SNX14: variants seen among roughly 807,000 people sequenced by gnomAD.
The protein encoded by SNX14 is sorting nexin 14.
In SNX14, 93 loss-of-function variants were observed where a neutral mutation model predicts 133.8. The observed-to-expected ratio is 0.70, with a 90% CI of 0.59 to 0.83. The LOEUF is 0.83. Ranked by LOEUF, SNX14 falls within the 40% of genes least tolerant of loss-of-function variation. The pLI is 0.00. For synonymous variants in SNX14, 368 were observed against 365.6 expected, an observed-to-expected ratio of 1.01 and a Z score of -0.07; for missense variants, 945 against 1,094.9, an observed-to-expected ratio of 0.86 and a Z score of 1.93.
rs1796648545 is a variant in SNX14 at position 85,574,361 on chromosome 6, A to G, written c.158T>C (p.Met53Thr). ...TCCAGCAACAAATGACCAGAAGATC[A>G]TTAAAATATGAATATACCTTAAAAA... ...LLLNRYIHILMIFWSFVAGVV... is the reference protein window; with the variant it reads ...LLLNRYIHILTIFWSFVAGVV... Residue 53 changes from methionine (M) to threonine (T), a missense_variant, in exon 2 of 29, where the codon ATG becomes ACG. By Grantham distance (81) the Met-to-Thr change is moderately conservative (BLOSUM62 -1). This residue lies in a region of SNX14 where 514 missense variants were observed against 538.8 expected (regional missense o/e 0.95). Coordinates refer to ENST00000314673, the MANE Select transcript of SNX14 (RefSeq NM_153816.6). 1 of 1,560,390 alleles carries G rather than the reference A, an allele frequency of 6.4e-7. No homozygotes were observed. Among genetic ancestry groups the G allele is most frequent in the South Asian group, 1.2e-5 (1 of 85,794 alleles).
intron 27 of SNX14, 57 bp from the exon 28 acceptor site, chr6:85,507,346 A>G: frequency 7.2e-7 from 1 of 1,389,168 alleles, no homozygotes; most frequent in Non-Finnish European, 1.0e-6. Flanking sequence ...CAAAAACCAT[A>G]AAAATGATAC....
At position 85,513,891 on chromosome 6, in the gene SNX14, A is replaced by T; in HGVS notation, c.2562T>A (p.Ala854=). 1 of 1,608,256 alleles carries T rather than the reference A, an allele frequency of 6.2e-7. No individual in the cohort carries two copies. Among genetic ancestry groups the T allele is most frequent in the Non-Finnish European group, 8.5e-7 (1 of 1,178,048 alleles). Residue 854 remains alanine, a synonymous_variant, in exon 26 of 29, where the codon GCT becomes GCA. Coordinates refer to ENST00000314673, the MANE Select transcript of SNX14 (RefSeq NM_153816.6). ...LVSLITLLRD[A]IFCENTEPRS... ...GAGGTTCAGTGTTTTCACAGAATAT[A>T]GCATCTAAAAAAGAGTAAAAAGAAA...
At chr6:85,575,734 G>A (rs1427168720) in intron 1 of SNX14, among the ~76,000 whole-genome samples, 1 of 152,198 alleles carries the variant, frequency 6.6e-6, no homozygotes, top group African/African-American at 2.4e-5. Flanking sequence ...ACAACAATGA[G>A]AAGAGTGGTT....
chr6:85,541,233 T>A (rs1007925613), intron 15 of SNX14, among the ~76,000 whole-genome samples: 1 of 152,132 alleles, frequency 6.6e-6, no homozygotes, highest in Non-Finnish European at 1.5e-5. Flanking sequence ...CCTCAAGTGA[T>A]CCCCACGTCT....
chr6:85,507,950 A>G lies in SNX14; in HGVS notation c.2745+18T>C, dbSNP rs372442341. 38 of 1,606,740 alleles carry G rather than the reference A, an allele frequency of 2.4e-5. No individual in the cohort carries two copies. Among genetic ancestry groups the G allele is most frequent in the Admixed American group, 1.2e-4 (7 of 59,620 alleles). On this transcript the variant is annotated intron_variant, in intron 27 of 28. Coordinates refer to ENST00000314673, the MANE Select transcript of SNX14 (RefSeq NM_153816.6). ...CAAACCTAGCCAGCATGAGTTTACG[A>G]GCTTTAATGAGCTTTACCTGCTTGT...
intron 23 of SNX14, 158 bp downstream of exon 23, chr6:85,517,598 A>C (rs539923128): frequency 1.1e-5 from 8 of 740,310 alleles, no homozygotes; most frequent in Admixed American, 3.5e-5. Flanking sequence ...GTAATTACAC[A>C]CAATACCCTC....
intron 6 of SNX14, among the ~76,000 whole-genome samples, chr6:85,564,342 G>A (rs917773790): frequency 1.5e-4 from 23 of 152,274 alleles, no homozygotes; most frequent in East Asian, 1.9e-4. Flanking sequence ...TTGAGGAATC[G>A]CCACACTGTC....
At chr6:85,556,933 C>T (rs17440948) in intron 7 of SNX14, among the ~76,000 whole-genome samples, 25,562 of 151,970 alleles carry the variant, frequency 0.17, 2,536 homozygotes, top group Non-Finnish European at 0.22. Context: ...CATAATTTCC[C>T]AAAATGCTTT....
chr6:85,533,487 TGGATATG>T lies in SNX14; in HGVS notation c.1810+105_1810+111del, dbSNP rs1780905460. The T allele has an allele frequency of 7.3e-6, 7 of 961,686 alleles. No individual in the cohort carries two copies. In the South Asian group the frequency reaches 1.2e-4, roughly 16 times the overall value. 59.6% of individuals were successfully genotyped at this position (961,686 alleles called of 1,614,324 possible). A position where few individuals can be genotyped will look rare whatever the true frequency, so the allele number is the denominator to read the frequency against. On this transcript the variant is annotated intron_variant, in intron 18 of 28. Transcript: ENST00000314673. Reference sequence around the variant, plus strand: ...TTTTCTGTTCTGGACACTTCTCTTTTGGATATGCAGCCATATTTGTTAGTTAGAAGTG... The same window carrying T: ...TTTTCTGTTCTGGACACTTCTCTTTTCAGCCATATTTGTTAGTTAGAAGTG...
intron 1 of SNX14, among the ~76,000 whole-genome samples, chr6:85,585,775 T>G (rs1800627383): frequency 6.6e-6 from 1 of 151,766 alleles, no homozygotes; most frequent in Non-Finnish European, 1.5e-5. Flanking sequence ...AATGAGAGAA[T>G]TCGAGAATAA....
intron 16 of SNX14, among the ~76,000 whole-genome samples, chr6:85,537,631 A>G (rs1782352189): frequency 6.6e-6 from 1 of 152,188 alleles, no homozygotes; most frequent in Admixed American, 6.5e-5. Flanking sequence ...AGCAATTAAA[A>G]CCGTAACTTT....
At chr6:85,593,426 C>T (rs113621402) in intron 1 of SNX14, among the ~76,000 whole-genome samples, 153 bp downstream of exon 1, 4 of 152,232 alleles carry the variant, frequency 2.6e-5, no homozygotes, top group Non-Finnish European at 4.4e-5. Flanking sequence ...GACGCTCCGC[C>T]GTGCTCCCCG....
At chr6:85,536,702 C>T (rs1409416256) in intron 17 of SNX14, 90 bp downstream of exon 17, 1 of 1,301,946 alleles carries the variant, frequency 7.7e-7, no homozygotes, top group Non-Finnish European at 1.0e-6. Flanking sequence ...CACAGATTCT[C>T]CAAAAAAAGG....
chr6:85,586,352 T>C (rs976003415), intron 1 of SNX14, among the ~76,000 whole-genome samples: 1 of 152,146 alleles, frequency 6.6e-6, no homozygotes, highest in Non-Finnish European at 1.5e-5. Flanking sequence ...CCTAACACTT[T>C]ACAGAAAAAA....
chr6:85,526,066 T>G, intron 21 of SNX14, 60 bp downstream of exon 21: 8 of 1,125,710 alleles, frequency 7.1e-6, no homozygotes, highest in Non-Finnish European at 1.0e-5. Context: ...TCTAAGTTAA[T>G]CTGAAAATGC....
At chr6:85,517,721 A>G (rs767399393) in intron 23 of SNX14, 35 bp downstream of exon 23, 1 of 1,550,830 alleles carries the variant, frequency 6.4e-7, no homozygotes, top group Non-Finnish European at 8.6e-7. Context: ...AGGGCAACTT[A>G]AAACTTAATA....
At chr6:85,555,528 G>A (rs748102032) in intron 7 of SNX14, among the ~76,000 whole-genome samples, 2 of 152,148 alleles carry the variant, frequency 1.3e-5, no homozygotes, top group African/African-American at 2.4e-5. Context: ...CAAAACTGTA[G>A]AGACAGTAAA....
In SNX14 at chr6:85,533,591, C is replaced by T. The variant is rs1780938205; in HGVS notation, c.1810+8G>A. 5 of 1,610,648 alleles carry T rather than the reference C, an allele frequency of 3.1e-6. No homozygotes were observed. The highest frequency in any genetic ancestry group is 3.4e-6 in the Non-Finnish European group (4 of 1,179,338). Reference sequence around the variant, plus strand: ...TCTTTTAAGAAAGGTGCTCAGAAAGCTTCCTACCTGCTCTTCTATCATTTC... The same window carrying T: ...TCTTTTAAGAAAGGTGCTCAGAAAGTTTCCTACCTGCTCTTCTATCATTTC... On this transcript the variant is annotated splice_region_variant and intron_variant, in intron 18 of 28. Coordinates refer to ENST00000314673, the MANE Select transcript of SNX14 (RefSeq NM_153816.6).
chr6:85,554,788 C>T (rs1465131148), intron 7 of SNX14, among the ~76,000 whole-genome samples: 1 of 152,006 alleles, frequency 6.6e-6, no homozygotes, highest in Non-Finnish European at 1.5e-5. Flanking sequence ...AAATTTTAAT[C>T]AAATTTGTTT....
Sources: allele counts gnomAD v4.1 joint callset (sites outside exome capture counted in the v4.1 genomes callset), GRCh38; gene constraint gnomAD v4.1.1; regional missense constraint gnomAD v4.1.1; transcripts MANE v1.5; gene names NCBI Gene and HGNC (gene_info 2026-07-23, HGNC 2026-07-21).